Variants in MCIDAS observed in about 807,000 individuals in gnomAD.
MCIDAS encodes multicilin.
A neutral mutation model predicts 35.4 loss-of-function variants in MCIDAS; 23 were observed. The observed-to-expected ratio is 0.65, with a 90% CI of 0.47 to 0.92. The LOEUF (loss-of-function observed/expected upper bound fraction) is 0.92. Ranked by LOEUF, MCIDAS falls within the 40% of genes least tolerant of loss-of-function variation. The pLI is 0.00. For missense variants in MCIDAS, 480 were observed against 531.8 expected (o/e 0.90, Z 0.96); for synonymous variants, 228 against 235.2 (o/e 0.97, Z 0.28).
At chr5:55,226,798 G>C (rs1745463941) in intron 2 of MCIDAS, 37 bp downstream of exon 2, 2 of 1,386,922 alleles carry the variant, frequency 1.4e-6, no homozygotes, top group Non-Finnish European at 1.9e-6. Context: ...CCCGGCGCGG[G>C]GAACCCGAGG....
At chr5:55,226,485 C>G in intron 3 of MCIDAS, 91 bp downstream of exon 3, 2 of 1,328,128 alleles carry the variant, frequency 1.5e-6, no homozygotes, top group South Asian at 2.9e-5. Flanking sequence ...CGCTCCCGAC[C>G]CGAGAGGAGC....
chr5:55,220,940 C>A (rs568844122), intron 6 of MCIDAS, 76 bp downstream of exon 6: 1 of 1,460,894 alleles, frequency 6.8e-7, no homozygotes, highest in African/African-American at 1.4e-5. Context: ...CCCACGGGTC[C>A]CGATGCTGGG....
rs1745474022 is a variant in MCIDAS at position 55,227,132 on chromosome 5, C to T, written c.7G>A (p.Ala3Thr). MQ[A>T]CGGGAAGRRA... ...CGGCCGGCCGCGCCGCCCCCGCACG[C>T]CTGCATTGTGCCTCCTGCCTCCGGG... The change falls in exon 1 of 7, where the codon GCG (alanine) becomes ACG (threonine). Residue 3 changes from alanine (A) to threonine (T), a missense_variant. By Grantham distance (58) the Ala-to-Thr change is moderately conservative. Transcript: ENST00000513312. 6.8e-7 allele frequency: 1 copy of T among 1,460,578 alleles called. No homozygotes were observed. Among genetic ancestry groups the T allele is most frequent in the Non-Finnish European group, 9.0e-7 (1 of 1,114,684 alleles). 90.5% of individuals were successfully genotyped at this position (1,460,578 alleles called of 1,614,324 possible).
In MCIDAS at chr5:55,227,055, C is replaced by G; in HGVS notation, c.84G>C (p.Arg28=). 1 of 1,519,934 alleles carries G rather than the reference C, an allele frequency of 6.6e-7. No individual in the cohort carries two copies. 94.2% of individuals were successfully genotyped at this position (1,519,934 alleles called of 1,614,324 possible). ...CPNRMLALPG[R]ALLCKPGKPE... ...GCTTCCCCGGCTTGCAGAGCAGCGC[C>G]CGGCCCGGCAGTGCCAGCATTCTGT... Residue 28 remains arginine, a synonymous_variant, in exon 1 of 7, where the codon CGG becomes CGC. Transcript: ENST00000513312.
At position 55,222,973 on chromosome 5, in the gene MCIDAS, GTC is replaced by G; in HGVS notation, c.358_359del (p.Asp120HisfsTer4). 1 of 1,536,116 alleles carries G rather than the reference GTC, an allele frequency of 6.5e-7. No homozygotes were observed. The highest frequency in any genetic ancestry group is 8.7e-7 in the Non-Finnish European group (1 of 1,146,906). On this transcript the variant is annotated frameshift_variant, in exon 4 of 7. Coordinates refer to ENST00000513312, the MANE Select transcript of MCIDAS (RefSeq NM_001190787.3). LOFTEE classifies it high-confidence loss of function. Reference sequence around the variant, plus strand: ...TGCCTGAAATGAGATCATCCACCGTGTCTCTGAAATCTTGCAGATTGAAGTCT... The same window carrying G: ...TGCCTGAAATGAGATCATCCACCGTGTCTGAAATCTTGCAGATTGAAGTCT... ...EADFNLQDFR[D>X]TVDDLISDSS...
rs969101484 is a variant in MCIDAS, at chr5:55,223,422, G to A, written c.310-399C>T. 2.0e-5 allele frequency among the ~76,000 whole-genome samples: 3 copies of A among 152,228 alleles called. No homozygotes were observed. The highest frequency in any genetic ancestry group is 7.2e-5 in the African/African-American group (3 of 41,470). ...TGCAGAGCAGCTGCGTGGCGGGAAT[G>A]GGTCCTTCCACCGGCGGTGCGGCGG... On this transcript the variant is annotated intron_variant, in intron 3 of 6. Coordinates refer to ENST00000513312, the MANE Select transcript of MCIDAS (RefSeq NM_001190787.3). This position sits in a 1 kb window ranked among gnomAD's most constrained non-coding sequence, Gnocchi z 4.4.
In MCIDAS at chr5:55,223,725, C is replaced by G. The variant is rs554211266; in HGVS notation, c.310-702G>C. Among the ~76,000 whole-genome samples, 103 of 152,318 alleles carry G rather than the reference C, an allele frequency of 6.8e-4. No individual in the cohort carries two copies. The highest frequency in any genetic ancestry group is 1.4e-3 in the Admixed American group (21 of 15,306). ...CAGCTAACCGCCCCACCCATGCAACCGAGCGGGAAGAAAGCTGTGATTCGA... is the reference window on the plus strand; with the variant it reads ...CAGCTAACCGCCCCACCCATGCAACGGAGCGGGAAGAAAGCTGTGATTCGA... On this transcript the variant is annotated intron_variant, in intron 3 of 6. Transcript: ENST00000513312. The surrounding 1 kb of genome is among the most constrained non-coding windows in gnomAD (Gnocchi z 4.4).
Position 55,222,164 on chromosome 5 carries a change from C to T in MCIDAS, c.606+12G>A. On this transcript the variant is annotated intron_variant, in intron 5 of 6. Coordinates refer to ENST00000513312, the MANE Select transcript of MCIDAS (RefSeq NM_001190787.3). ...GCCCCAGGATTCCTGGTCGCCAGAC[C>T]AGTGTCCCTACTTGATTATTCTCAA... 1 of 1,534,080 alleles carries T rather than the reference C, an allele frequency of 6.5e-7. No individual in the cohort carries two copies. The highest frequency in any genetic ancestry group is 8.7e-7 in the Non-Finnish European group (1 of 1,146,694).
chr5:55,226,320 G>A (rs1294547198), intron 3 of MCIDAS, among the ~76,000 whole-genome samples: 1 of 152,138 alleles, frequency 6.6e-6, no homozygotes. Flanking sequence ...GAAATAGGAG[G>A]GGAGGCCTCC....
At position 55,220,620 on chromosome 5, in the gene MCIDAS, G is replaced by A. The variant is rs1286376357; in HGVS notation, c.904C>T (p.Arg302Trp). 6.5e-7 allele frequency: 1 copy of A among 1,536,112 alleles called. No individual in the cohort carries two copies. Among genetic ancestry groups the A allele is most frequent in the Non-Finnish European group, 8.7e-7 (1 of 1,146,888 alleles). ...GCGGGCTCTGGCAGCAGTCGGGGCC[G>A]CTTGGGATCGCGGCTCTGAAGGGCT... ...DEALQSRDPK[R>W]PRLLPEPANT... Residue 302 changes from arginine to tryptophan, a missense_variant, in exon 7 of 7, where the codon CGG (arginine) becomes TGG (tryptophan). By Grantham distance (101) the Arg-to-Trp change is moderately radical (BLOSUM62 -3). Transcript: ENST00000513312.
At chr5:55,220,895 A>T (rs1279677517) in intron 6 of MCIDAS, 89 bp from the exon 7 acceptor site, 3 of 1,455,020 alleles carry the variant, frequency 2.1e-6, no homozygotes, top group Non-Finnish European at 2.7e-6. Flanking sequence ...CGCGCTACGC[A>T]CCACGCACTC....
chr5:55,225,212 AAAG>A (rs1229212704), intron 3 of MCIDAS, among the ~76,000 whole-genome samples: 2 of 152,190 alleles, frequency 1.3e-5, no homozygotes. Flanking sequence ...TGTCTCAAAA[AAAG>A]AAAAAGAAAA....
Position 55,220,541 on chromosome 5 carries a change from G to T in MCIDAS, c.983C>A (p.Thr328Lys). Residue 328 changes from threonine (T) to lysine (K), a missense_variant, in exon 7 of 7, where the codon ACA (threonine) becomes AAA (lysine). Physicochemically the swap from Thr to Lys is moderately conservative, Grantham distance 78. Coordinates refer to ENST00000513312, the MANE Select transcript of MCIDAS (RefSeq NM_001190787.3). The stretch of plus-strand genomic sequence containing the variant: ...GTTCAACGCGCTCCGGCTGCAGTCT[G>T]TGCGCAGCCCCCGGAAGGCGCCATG... ...NLHGAFRGLR[T>K]DCSRSALNLS... 1 of 1,536,100 alleles carries T rather than the reference G, an allele frequency of 6.5e-7. No homozygotes were observed. Among genetic ancestry groups the T allele is most frequent in the Non-Finnish European group, 8.7e-7 (1 of 1,146,888 alleles).
chr5:55,225,259 A>T (rs967530976), intron 3 of MCIDAS, among the ~76,000 whole-genome samples: 4 of 152,226 alleles, frequency 2.6e-5, no homozygotes, highest in African/African-American at 9.6e-5. Context: ...CTACCTCCCC[A>T]ATTAGATAAA....
chr5:55,223,984 C>T lies in MCIDAS; in HGVS notation c.310-961G>A, dbSNP rs151276306. On this transcript the variant is annotated intron_variant, in intron 3 of 6. Transcript: ENST00000513312. This position sits in a 1 kb window ranked among gnomAD's most constrained non-coding sequence, Gnocchi z 4.4. ...CCTTCTTGTTCCCTTAATTCATGGACATTTAGAGTTGATAAAAACGCTTTT... is the reference window on the plus strand; with the variant it reads ...CCTTCTTGTTCCCTTAATTCATGGATATTTAGAGTTGATAAAAACGCTTTT... Among the ~76,000 whole-genome samples, 25 of 152,216 alleles carry T rather than the reference C, an allele frequency of 1.6e-4. No homozygotes were observed. The highest frequency in any genetic ancestry group is 3.1e-4 in the Non-Finnish European group (21 of 68,008).
In MCIDAS at chr5:55,221,050, GC is replaced by G. The variant is rs2111690606; in HGVS notation, c.682del (p.Ala228ProfsTer14). On this transcript the variant is annotated frameshift_variant, in exon 6 of 7. Transcript: ENST00000513312. LOFTEE classifies it high-confidence loss of function. ...KERNVQLKEL[A>X]SRTRHLASVL... is the part of the protein sequence containing the mutation. ...CGAGGCCAGGTGCCGGGTTCGGCTG[GC>G]GAGTTCCTTCAGCTGCACGTTCCGC... The G allele has an allele frequency of 6.5e-7, 1 of 1,536,078 alleles. No individual in the cohort carries two copies. The highest frequency in any genetic ancestry group is 8.7e-7 in the Non-Finnish European group (1 of 1,146,870).
chr5:55,220,617 G>C lies in MCIDAS; in HGVS notation c.907C>G (p.Pro303Ala). Residue 303 changes from proline to alanine, a missense_variant, in exon 7 of 7, where the codon CCC becomes GCC. Transcript: ENST00000513312. Reference sequence around the variant, plus strand: ...TTCGCGGGCTCTGGCAGCAGTCGGGGCCGCTTGGGATCGCGGCTCTGAAGG... The same window carrying C: ...TTCGCGGGCTCTGGCAGCAGTCGGGCCCGCTTGGGATCGCGGCTCTGAAGG... ...EALQSRDPKR[P>A]RLLPEPANTD... is the part of the protein sequence containing the mutation. 1 of 1,536,106 alleles carries C rather than the reference G, an allele frequency of 6.5e-7. No individual in the cohort carries two copies. The highest frequency in any genetic ancestry group is 8.7e-7 in the Non-Finnish European group (1 of 1,146,890).
intron 1 of MCIDAS, 40 bp downstream of exon 1, chr5:55,226,979 G>C (rs1486068550): frequency 4.6e-6 from 7 of 1,505,526 alleles, no homozygotes; most frequent in Middle Eastern, 1.7e-4. Context: ...TCGGGGCACC[G>C]AGCGCGCAGA....
intron 3 of MCIDAS, among the ~76,000 whole-genome samples, chr5:55,224,972 G>A (rs971407695): frequency 6.6e-6 from 1 of 152,188 alleles, no homozygotes; most frequent in African/African-American, 2.4e-5. Context: ...GGCTGAGGCA[G>A]ACAGATCGCT....
Sources: allele counts gnomAD v4.1 joint callset (sites outside exome capture counted in the v4.1 genomes callset), GRCh38; gene constraint gnomAD v4.1.1; non-coding constraint Gnocchi (gnomAD v3.1); transcripts MANE v1.5; gene names NCBI Gene and HGNC (gene_info 2026-07-23, HGNC 2026-07-21).